SLC26A4: variants seen among roughly 807,000 people sequenced by gnomAD.
SLC26A4 encodes the protein solute carrier family 26 member 4, also known as pendrin.
Under a neutral mutation model 90.4 loss-of-function variants are expected in SLC26A4, and 93 were observed. The ratio of observed to expected loss-of-function variants is 1.03; its 90% CI spans 0.87 to 1.22. The LOEUF is 1.22. Among genes scored for constraint, SLC26A4 ranks in the 50% most tolerant of loss-of-function variants. The pLI, the probability that SLC26A4 is intolerant of heterozygous loss-of-function variation, is 0.00. For synonymous variants in SLC26A4, 393 were observed against 354.6 expected, an observed-to-expected ratio of 1.11 and a Z score of -1.22; for missense variants, 1,127 against 946.2, an observed-to-expected ratio of 1.19 and a Z score of -2.51.
At chr7:107,694,267 C>T (rs755582438) in intron 10 of SLC26A4, 136 bp from the exon 11 acceptor site, 74 of 729,416 alleles carry the variant, frequency 1.0e-4, no homozygotes, top group Non-Finnish European at 1.8e-4. Flanking sequence ...CTTTTCTCGA[C>T]AGTATTGAGC....
chr7:107,715,004 C>A (rs938886837), intron 20 of SLC26A4, among the ~76,000 whole-genome samples: 1 of 148,956 alleles, frequency 6.7e-6, no homozygotes, highest in African/African-American at 2.5e-5. Flanking sequence ...GCAGGGGGAT[C>A]ACTTGAGGTC....
At chr7:107,691,863 A>C in intron 10 of SLC26A4, 1 of 1,206,310 alleles carries the variant, frequency 8.3e-7, no homozygotes, top group Non-Finnish European at 1.1e-6. Flanking sequence ...ATCTGTGGTC[A>C]AGGGGAAGAG....
intron 5 of SLC26A4, 108 bp from the exon 6 acceptor site, chr7:107,674,837 G>A: frequency 9.8e-7 from 1 of 1,021,672 alleles, no homozygotes; most frequent in Non-Finnish European, 1.5e-6. Flanking sequence ...TGTGCTATAG[G>A]CAGGCTACTA....
chr7:107,693,037 C>G (rs1479422795), intron 10 of SLC26A4: 1 of 152,496 alleles, frequency 6.6e-6, no homozygotes, highest in Admixed American at 6.6e-5. Context: ...GCTCCCCATC[C>G]ACAGTGAGAT....
At chr7:107,686,387 T>TC (rs1791410073) in intron 8 of SLC26A4, among the ~76,000 whole-genome samples, 2 of 147,510 alleles carry the variant, frequency 1.4e-5, no homozygotes. Context: ...CCTTCCTTCC[T>TC]TCCTTCCTCT....
At chr7:107,706,501 A>G (rs1251383708) in intron 18 of SLC26A4, among the ~76,000 whole-genome samples, 3 of 152,214 alleles carry the variant, frequency 2.0e-5, no homozygotes, top group Non-Finnish European at 2.9e-5. Context: ...AAGGAATCTC[A>G]GATTGGACTT....
rs919115456 is a variant in SLC26A4, at chr7:107,661,844, G to C, written c.164+39G>C. The C allele has an allele frequency of 3.0e-5, 46 of 1,523,664 alleles. No individual in the cohort carries two copies. Among genetic ancestry groups the C allele is most frequent in the Non-Finnish European group, 3.6e-5 (41 of 1,138,730 alleles). 94.4% of individuals were successfully genotyped at this position (1,523,664 alleles called of 1,614,324 possible). A position where few individuals can be genotyped will look rare whatever the true frequency, so the allele number is the denominator to read the frequency against. On this transcript the variant is annotated intron_variant, in intron 2 of 20. Transcript: ENST00000644269. The surrounding 1 kb of genome is among the most constrained non-coding windows in gnomAD (Gnocchi z 5.1). ...GGGCCTGCGTAGAGAGAAGCGGAGC[G>C]GGGCGTCCACGCCTTGGGGAGGGAA...
intron 14 of SLC26A4, among the ~76,000 whole-genome samples, 190 bp from the exon 15 acceptor site, chr7:107,699,893 A>G (rs561208992): frequency 6.7e-6 from 1 of 149,846 alleles, no homozygotes; most frequent in East Asian, 2.0e-4. Flanking sequence ...GTGCCACTGT[A>G]CTCCAGCCTG....
At chr7:107,669,090 T>G (rs1298779513) in intron 3 of SLC26A4, among the ~76,000 whole-genome samples, 1 of 152,148 alleles carries the variant, frequency 6.6e-6, no homozygotes, top group Non-Finnish European at 1.5e-5. Context: ...CCTCAGTAGC[T>G]GAAATTACAG....
At chr7:107,690,906 T>C (rs1344222550) in intron 10 of SLC26A4, among the ~76,000 whole-genome samples, 1 of 151,770 alleles carries the variant, frequency 6.6e-6, no homozygotes, top group Non-Finnish European at 1.5e-5. Context: ...TCAGGAGCCA[T>C]ACTCAAAGGC....
chr7:107,701,456 C>G lies in SLC26A4; in HGVS notation c.1803+260C>G, dbSNP rs1791883353. ...AACAGTGTCTGCATTATTTTCTATA[C>G]TTTATTTTTACTGAAAGGAACAAAA... On this transcript the variant is annotated intron_variant, in intron 16 of 20. Transcript: ENST00000644269. Among the ~76,000 whole-genome samples the G allele has an allele frequency of 4.6e-5, 7 of 152,298 alleles. 1 individual carries two copies. The Middle Eastern group carries it at 0.01, about 222-fold the overall frequency.
At chr7:107,692,448 G>A (rs1791600629) in intron 10 of SLC26A4, among the ~76,000 whole-genome samples, 1 of 152,128 alleles carries the variant, frequency 6.6e-6, no homozygotes, top group Non-Finnish European at 1.5e-5. Flanking sequence ...GTGAGGATTA[G>A]GCAAGAAAAT....
rs953409503 is a variant in SLC26A4, at chr7:107,691,777, A to AT, written c.1263+1548dup. ...TTTTCAGAATTTTTCTTAATTTTTT[A>AT]TTTTTTTTGCAAATATTTCCAGCTC... is the stretch of plus-strand genomic sequence containing the variant. On this transcript the variant is annotated intron_variant, in intron 10 of 20. Transcript: ENST00000644269. 1.2e-4 allele frequency: 124 copies of AT among 1,028,494 alleles called. No homozygotes were observed. In the East Asian group the frequency reaches 2.3e-3, roughly 19 times the overall value. The allele number at this position is 1,028,494 out of a possible 1,614,324, so 63.7% of individuals were successfully genotyped here.
chr7:107,680,892 T>A (rs1246770706), intron 6 of SLC26A4, among the ~76,000 whole-genome samples: 1 of 152,164 alleles, frequency 6.6e-6, no homozygotes, highest in Admixed American at 6.6e-5. Context: ...CTTTAATGAA[T>A]AGACAATTCA....
At chr7:107,713,487 T>C (rs2129320581) in intron 20 of SLC26A4, among the ~76,000 whole-genome samples, 1 of 152,306 alleles carries the variant, frequency 6.6e-6, no homozygotes, top group African/African-American at 2.4e-5. Context: ...CCTTCAAATA[T>C]TTGAGAATAG....
intron 3 of SLC26A4, among the ~76,000 whole-genome samples, chr7:107,668,008 G>A (rs1165503713): frequency 1.3e-5 from 2 of 152,098 alleles, no homozygotes; most frequent in Non-Finnish European, 1.5e-5. Context: ...GTCTCAAGGA[G>A]AGGAAAGGCA....
intron 5 of SLC26A4, 103 bp from the exon 6 acceptor site, chr7:107,674,842 C>A: frequency 9.3e-7 from 1 of 1,077,300 alleles, no homozygotes; most frequent in Non-Finnish European, 1.4e-6. Flanking sequence ...TATAGGCAGG[C>A]TACTAGTGTT....
chr7:107,691,516 C>T (rs2712209), intron 10 of SLC26A4, among the ~76,000 whole-genome samples: 1,054 of 56,650 alleles, frequency 0.019, 1 homozygote, highest in Non-Finnish European at 0.027. Context: ...TATATATATA[C>T]ACACACACAC....
At chr7:107,682,836 C>G (rs1313109901) in intron 6 of SLC26A4, among the ~76,000 whole-genome samples, 1 of 152,080 alleles carries the variant, frequency 6.6e-6, no homozygotes, top group Admixed American at 6.6e-5. Flanking sequence ...TAAAGCATTT[C>G]TGTAAGTAAA....
Sources: allele counts gnomAD v4.1 joint callset (sites outside exome capture counted in the v4.1 genomes callset), GRCh38; gene constraint gnomAD v4.1.1; non-coding constraint Gnocchi (gnomAD v3.1); transcripts MANE v1.5; gene names NCBI Gene and HGNC (gene_info 2026-07-23, HGNC 2026-07-21).